Variants in SHISA6 observed in about 807,000 individuals in gnomAD.
The protein encoded by SHISA6 is protein shisa-6.
A neutral mutation model predicts 47.9 loss-of-function variants in SHISA6; 22 were observed. That is an observed-to-expected ratio of 0.46 (90% confidence interval 0.33 to 0.66). SHISA6 has a LOEUF of 0.66. Among genes scored for constraint, SHISA6 ranks in the 30% least tolerant of loss-of-function variants. The probability of loss-of-function intolerance (pLI) is 0.02; values close to 1 mark genes in which losing one functional copy is unlikely to be tolerated. For missense variants in SHISA6, 680 were observed against 764.6 expected (o/e 0.89, Z 1.30); for synonymous variants, 388 against 337.8 (o/e 1.15, Z -1.63).
At chr17:11,511,471 T>A (rs1280864564) in intron 3 of SHISA6, among the ~76,000 whole-genome samples, 2 of 151,850 alleles carry the variant, frequency 1.3e-5, no homozygotes, top group East Asian at 3.9e-4. Context: ...ATAAATAAAC[T>A]GAATGAATAA....
intron 3 of SHISA6, among the ~76,000 whole-genome samples, chr17:11,383,297 T>G (rs1913084145): frequency 6.6e-6 from 1 of 152,142 alleles, no homozygotes; most frequent in African/African-American, 2.4e-5. Context: ...CCGTCTAGCA[T>G]CAGCGGGGGC....
At chr17:11,286,063 C>T (rs1257213411) in intron 2 of SHISA6, among the ~76,000 whole-genome samples, 1 of 152,002 alleles carries the variant, frequency 6.6e-6, no homozygotes, top group Non-Finnish European at 1.5e-5. Context: ...GTCTCGAACT[C>T]CTGAACTCGT....
At chr17:11,436,148 T>C (rs531699083) in intron 3 of SHISA6, among the ~76,000 whole-genome samples, 1 of 152,222 alleles carries the variant, frequency 6.6e-6, no homozygotes, top group African/African-American at 2.4e-5. Context: ...GTCTGGGCCC[T>C]CTCTTTCTTT....
At chr17:11,538,534 G>C (rs2071806660) in intron 3 of SHISA6, among the ~76,000 whole-genome samples, 1 of 152,190 alleles carries the variant, frequency 6.6e-6, no homozygotes, top group South Asian at 2.1e-4. Flanking sequence ...AATGAAATGG[G>C]CCTGGACTAT....
chr17:11,266,667 G>C (rs765171152), intron 2 of SHISA6, among the ~76,000 whole-genome samples: 5 of 152,186 alleles, frequency 3.3e-5, no homozygotes, highest in Non-Finnish European at 5.9e-5. Context: ...AGCAAACACT[G>C]ACTGTTAGCC....
intron 2 of SHISA6, among the ~76,000 whole-genome samples, chr17:11,340,751 G>T (rs905770475): frequency 6.6e-6 from 1 of 152,320 alleles, no homozygotes; most frequent in Non-Finnish European, 1.5e-5. Flanking sequence ...TTACAGGAAG[G>T]CTACCTAACA....
At chr17:11,478,372 C>T (rs1178277864) in intron 3 of SHISA6, among the ~76,000 whole-genome samples, 2 of 114,704 alleles carry the variant, frequency 1.7e-5, no homozygotes, top group East Asian at 2.8e-4. Context: ...TTGTAGGTTG[C>T]CTGTTCACTC....
intron 3 of SHISA6, among the ~76,000 whole-genome samples, chr17:11,445,922 G>T (rs1250980026): frequency 6.6e-6 from 1 of 152,158 alleles, no homozygotes; most frequent in Non-Finnish European, 1.5e-5. Context: ...CTGCCTCCTG[G>T]GTTCAAGCGA....
At chr17:11,309,380 C>T (rs533933512) in intron 2 of SHISA6, among the ~76,000 whole-genome samples, 2 of 152,268 alleles carry the variant, frequency 1.3e-5, no homozygotes, top group East Asian at 3.9e-4. Context: ...TAATTTCAGT[C>T]GATGAATATG....
intron 2 of SHISA6, among the ~76,000 whole-genome samples, chr17:11,373,155 T>G (rs1912682687): frequency 6.6e-6 from 1 of 151,038 alleles, no homozygotes; most frequent in Non-Finnish European, 1.5e-5. Context: ...AATTCTAGAG[T>G]TTTTTTTTCT....
chr17:11,484,906 T>G (rs1042352813), intron 3 of SHISA6, among the ~76,000 whole-genome samples: 1 of 152,206 alleles, frequency 6.6e-6, no homozygotes, highest in Non-Finnish European at 1.5e-5. Flanking sequence ...TGGAGCCTCA[T>G]GCTACAAAAC....
intron 3 of SHISA6, among the ~76,000 whole-genome samples, chr17:11,460,838 G>C (rs1479514700): frequency 6.6e-6 from 1 of 152,192 alleles, no homozygotes; most frequent in African/African-American, 2.4e-5. Flanking sequence ...TGGCCCCAGG[G>C]CCTAGCTGAG....
chr17:11,318,619 T>A (rs570397989), intron 2 of SHISA6, among the ~76,000 whole-genome samples: 1 of 152,368 alleles, frequency 6.6e-6, no homozygotes, highest in African/African-American at 2.4e-5. Context: ...ATTTTATGTA[T>A]GTACGTATGT....
In SHISA6 at chr17:11,241,342, G is replaced by A; in HGVS notation, c.-81G>A. 1 of 886,390 alleles carries A rather than the reference G, an allele frequency of 1.1e-6. No homozygotes were observed. Among genetic ancestry groups the A allele is most frequent in the Non-Finnish European group, 1.4e-6 (1 of 738,236 alleles). 54.9% of individuals were successfully genotyped at this position (886,390 alleles called of 1,614,324 possible). On this transcript the variant is annotated 5_prime_UTR_variant, in exon 1 of 6. Coordinates refer to ENST00000441885, the MANE Select transcript of SHISA6 (RefSeq NM_207386.4). This position sits in a 1 kb window ranked among gnomAD's most constrained non-coding sequence, Gnocchi z 5.5. The stretch of plus-strand genomic sequence containing the variant: ...GCTCAGCGCCTCCAGCCCGGCCCGC[G>A]CGGCGGGTCCTCCGAGCCCGGCCCG...
chr17:11,533,897 T>C (rs2071761138), intron 3 of SHISA6, among the ~76,000 whole-genome samples: 1 of 152,080 alleles, frequency 6.6e-6, no homozygotes, highest in Non-Finnish European at 1.5e-5. Flanking sequence ...AGCCTCATTA[T>C]TCTTACTCTA....
At chr17:11,448,353 G>A (rs1357162378) in intron 3 of SHISA6, among the ~76,000 whole-genome samples, 1 of 151,378 alleles carries the variant, frequency 6.6e-6, no homozygotes, top group Non-Finnish European at 1.5e-5. Context: ...AACATAGTGA[G>A]ACCCTGGCTC....
At chr17:11,444,324 A>G (rs1915175820) in intron 3 of SHISA6, among the ~76,000 whole-genome samples, 1 of 152,176 alleles carries the variant, frequency 6.6e-6, no homozygotes, top group African/African-American at 2.4e-5. Context: ...ATAAAAAATA[A>G]AAGTAAAAAA....
At chr17:11,419,071 G>A (rs944346555) in intron 3 of SHISA6, among the ~76,000 whole-genome samples, 2 of 151,908 alleles carry the variant, frequency 1.3e-5, no homozygotes, top group African/African-American at 4.8e-5. Flanking sequence ...TTGTGGGGTG[G>A]GGGGAGCGGG....
chr17:11,381,067 A>G (rs1912989868), intron 3 of SHISA6, among the ~76,000 whole-genome samples: 1 of 152,210 alleles, frequency 6.6e-6, no homozygotes, highest in Non-Finnish European at 1.5e-5. Flanking sequence ...TATGAATATC[A>G]GGAGCCGAGG....
Sources: gnomAD v4.1 joint callset for allele counts (sites outside exome capture counted in the v4.1 genomes callset) on GRCh38, gnomAD v4.1.1 for gene constraint, Gnocchi (gnomAD v3.1) non-coding constraint, MANE v1.5 for transcripts, NCBI Gene and HGNC (gene_info 2026-07-23, HGNC 2026-07-21) for gene names.